Variants in STRN3 observed in about 807,000 individuals in gnomAD.
STRN3 encodes the protein striatin-3.
A neutral mutation model predicts 95.6 loss-of-function variants in STRN3; 29 were observed. The observed-to-expected ratio is 0.30, with a 90% CI of 0.23 to 0.41. The LOEUF (loss-of-function observed/expected upper bound fraction) is 0.41. STRN3 is among the 10% of genes least tolerant of loss of function. STRN3 has a pLI of 1.00. For synonymous variants in STRN3, 331 were observed against 357.6 expected, an observed-to-expected ratio of 0.93 and a Z score of 0.84; for missense variants, 890 against 972.1, an observed-to-expected ratio of 0.92 and a Z score of 1.12.
At chr14:31,018,433 G>T in intron 1 of STRN3, 1 of 381,512 alleles carries the variant, frequency 2.6e-6, no homozygotes, top group South Asian at 2.0e-5. Context: ...ATTCTTTCTC[G>T]ACCCTTGTTC....
chr14:30,898,750 C>A (rs1352258184), intron 16 of STRN3, among the ~76,000 whole-genome samples: 3 of 152,196 alleles, frequency 2.0e-5, no homozygotes, highest in African/African-American at 7.2e-5. Flanking sequence ...CAAAACTAAT[C>A]CTAATTTTTT....
chr14:31,018,549 A>C, intron 1 of STRN3: 1 of 450,954 alleles, frequency 2.2e-6, no homozygotes, highest in Non-Finnish European at 4.5e-6. Flanking sequence ...CTGGCTGAAG[A>C]GGGACTGCAC....
chr14:31,020,816 G>T (rs1254415269), intron 1 of STRN3, among the ~76,000 whole-genome samples: 1 of 152,138 alleles, frequency 6.6e-6, no homozygotes, highest in Non-Finnish European at 1.5e-5. Flanking sequence ...TGCAGCAGGA[G>T]GATCAGTTGA....
chr14:30,940,628 G>A (rs745664119), intron 5 of STRN3, among the ~76,000 whole-genome samples: 2 of 151,996 alleles, frequency 1.3e-5, no homozygotes, highest in Admixed American at 1.3e-4. Flanking sequence ...GCCGCTGTAT[G>A]GATCTTTTTT....
rs918525461 is a variant in STRN3, at chr14:30,894,289, T to G, written c.*1122A>C. The G allele has an allele frequency of 2.0e-5, 3 of 152,424 alleles. No homozygotes were observed. The highest frequency in any genetic ancestry group is 4.4e-5 in the Non-Finnish European group (3 of 68,006). The allele number at this position is 152,424 out of a possible 1,614,324, so 9.4% of individuals were successfully genotyped here. A position where few individuals can be genotyped will look rare whatever the true frequency, so the allele number is the denominator to read the frequency against. ...TTTGGAATCATGGTAAACCAAGATA[T>G]ATATCTTAGGGGGAACCACCTTGGT... On this transcript the variant is annotated 3_prime_UTR_variant, in exon 18 of 18. Coordinates refer to ENST00000357479, the MANE Select transcript of STRN3 (RefSeq NM_001083893.2).
At chr14:31,007,352 T>C (rs1882765833) in intron 1 of STRN3, among the ~76,000 whole-genome samples, 1 of 152,198 alleles carries the variant, frequency 6.6e-6, no homozygotes, top group Admixed American at 6.5e-5. Flanking sequence ...GTGATGTGCT[T>C]GGGAGTCTTT....
At chr14:30,929,138 T>C (rs566234704) in intron 8 of STRN3, 63 bp downstream of exon 8, 7 of 1,379,440 alleles carry the variant, frequency 5.1e-6, no homozygotes, top group South Asian at 2.8e-5. Context: ...AGAAACAGAA[T>C]TGAAGAACTT....
At chr14:30,902,167 G>A (rs377409312) in intron 16 of STRN3, among the ~76,000 whole-genome samples, 2 of 41,102 alleles carry the variant, frequency 4.9e-5, no homozygotes, top group Non-Finnish European at 8.1e-5. Flanking sequence ...GCAAAACTCC[G>A]CCTCAAAAAA....
rs1879865869 is a variant in STRN3 at position 30,955,675 on chromosome 14, T to C, written c.405A>G (p.Leu135=). Residue 135 remains leucine (L), a synonymous_variant, in exon 3 of 18, where the codon TTA becomes TTG. Coordinates refer to ENST00000357479, the MANE Select transcript of STRN3 (RefSeq NM_001083893.2). ...CTTGGTTCAGTTCCGTGCCATATTTTAATTTGTGATATTTTGCCCTGAAAA... is the reference window on the plus strand; with the variant it reads ...CTTGGTTCAGTTCCGTGCCATATTTCAATTTGTGATATTTTGCCCTGAAAA... ...LKQERAKYHK[L]KYGTELNQGD... is the part of the protein sequence containing the mutation. The C allele has an allele frequency of 5.0e-6, 8 of 1,584,358 alleles. No homozygotes were observed. The highest frequency in any genetic ancestry group is 6.8e-6 in the Non-Finnish European group (8 of 1,171,196).
In STRN3 at chr14:30,935,312, T is replaced by A. The variant is rs1028575449; in HGVS notation, c.847-8A>T. Reference sequence around the variant, plus strand: ...TAAACCTTCATTACCTATCTGTAAATAGAATATAAACCAAGAATTACTTTT... The same window carrying A: ...TAAACCTTCATTACCTATCTGTAAAAAGAATATAAACCAAGAATTACTTTT... On this transcript the variant is annotated splice_region_variant and splice_polypyrimidine_tract_variant and intron_variant, in intron 6 of 17. Coordinates refer to ENST00000357479, the MANE Select transcript of STRN3 (RefSeq NM_001083893.2). The A allele has an allele frequency of 1.5e-5, 24 of 1,612,176 alleles. No homozygotes were observed. Among genetic ancestry groups the A allele is most frequent in the Non-Finnish European group, 2.0e-5 (24 of 1,179,136 alleles).
chr14:30,978,760 C>T lies in STRN3; in HGVS notation c.283-22518G>A, dbSNP rs148306227. On this transcript the variant is annotated intron_variant, in intron 1 of 17. Transcript: ENST00000357479. The stretch of plus-strand genomic sequence containing the variant: ...AAAGAAGCAATTATAAAGCTAGGTG[C>T]GGTGGCTAACGCTTGTAAGCCCAGA... Among the ~76,000 whole-genome samples the T allele has an allele frequency of 8.9e-4, 136 of 152,092 alleles. 1 individual carries two copies. Among genetic ancestry groups the T allele is most frequent in the Admixed American group, 3.3e-3 (51 of 15,266 alleles).
chr14:30,985,619 T>C (rs1881650191), intron 1 of STRN3, among the ~76,000 whole-genome samples: 1 of 151,832 alleles, frequency 6.6e-6, no homozygotes, highest in Non-Finnish European at 1.5e-5. Flanking sequence ...AAAAAATTGA[T>C]CTTTGGTAGT....
intron 8 of STRN3, among the ~76,000 whole-genome samples, chr14:30,925,926 T>A (rs553510196): frequency 4.6e-5 from 7 of 152,140 alleles, no homozygotes; most frequent in Non-Finnish European, 7.4e-5. Context: ...ATAAAAATGC[T>A]AAGAAATTCA....
chr14:31,026,194 G>A lies in STRN3; in HGVS notation c.-9C>T. The A allele has an allele frequency of 7.0e-7, 1 of 1,425,122 alleles. No individual in the cohort carries two copies. The highest frequency in any genetic ancestry group is 9.1e-7 in the Non-Finnish European group (1 of 1,100,030). 88.3% of individuals were successfully genotyped at this position (1,425,122 alleles called of 1,614,324 possible). The stretch of plus-strand genomic sequence containing the variant: ...CCGGCAAGCTCGTCCATTGTGTGTG[G>A]GGCCCCGGCCGGGGCGCAGGGCGAG... On this transcript the variant is annotated 5_prime_UTR_variant, in exon 1 of 18. Transcript: ENST00000357479.
At chr14:31,025,695 C>T (rs916239253) in intron 1 of STRN3, 1 of 736,756 alleles carries the variant, frequency 1.4e-6, no homozygotes, top group Non-Finnish European at 2.1e-6. Flanking sequence ...ACCGCGTAGC[C>T]AGTGAAGGTT....
intron 7 of STRN3, chr14:30,931,896 A>C (rs1351949192): frequency 6.6e-6 from 1 of 152,242 alleles, no homozygotes; most frequent in Non-Finnish European, 1.5e-5. Context: ...CAGATTCTCT[A>C]ATGTGAGTAA....
chr14:30,926,796 A>G (rs72668355), intron 8 of STRN3, among the ~76,000 whole-genome samples: 8,376 of 152,262 alleles, frequency 0.055, 308 homozygotes, highest in Non-Finnish European at 0.085. Flanking sequence ...TTATTGAGAC[A>G]TGAAAGCCTT....
intron 1 of STRN3, among the ~76,000 whole-genome samples, chr14:31,001,009 A>C (rs1882424303): frequency 6.6e-6 from 1 of 152,192 alleles, no homozygotes; most frequent in Non-Finnish European, 1.5e-5. Context: ...GTTAAGTAGG[A>C]GTTGTAAAGA....
At chr14:30,944,566 TATATAC>T (rs200713077) in intron 5 of STRN3, among the ~76,000 whole-genome samples, 53 of 72,604 alleles carry the variant, frequency 7.3e-4, no homozygotes, top group South Asian at 1.3e-3. Flanking sequence ...TATATATATA[TATATAC>T]ACACACAGAC....
Sources: gnomAD v4.1 joint callset for allele counts (sites outside exome capture counted in the v4.1 genomes callset) on GRCh38, gnomAD v4.1.1 for gene constraint, MANE v1.5 for transcripts, NCBI Gene and HGNC (gene_info 2026-07-23, HGNC 2026-07-21) for gene names.